TENM3: variants seen among roughly 807,000 people sequenced by gnomAD.
The protein encoded by TENM3 is teneurin-3.
Under a neutral mutation model 255.1 loss-of-function variants are expected in TENM3, and 63 were observed. The ratio of observed to expected loss-of-function variants is 0.25; its 90% CI spans 0.20 to 0.30. The LOEUF (loss-of-function observed/expected upper bound fraction) is 0.30, where lower values mean the gene tolerates loss of function less well. Among genes scored for constraint, TENM3 ranks in the 10% least tolerant of loss-of-function variants. TENM3 has a pLI of 1.00. For missense variants in TENM3, 2,929 were observed against 3,461.1 expected (o/e 0.85, Z 3.86); for synonymous variants, 1,306 against 1,322.3 (o/e 0.99, Z 0.27).
At chr4:182,179,521 A>G (rs1448332694) in intron 1 of TENM3, among the ~76,000 whole-genome samples, 1 of 152,240 alleles carries the variant, frequency 6.6e-6, no homozygotes, top group Non-Finnish European at 1.5e-5. Context: ...ATCACAATAT[A>G]TAATAGAACT....
chr4:182,793,173 T>G lies in TENM3; in HGVS notation c.6501T>G (p.Ser2167Arg). 1 of 1,614,000 alleles carries G rather than the reference T, an allele frequency of 6.2e-7. No homozygotes were observed. The change falls in exon 26 of 28, where the codon AGT (serine) becomes AGG (arginine). Residue 2167 changes from serine (S) to arginine (R), a missense_variant. By Grantham distance (110) the Ser-to-Arg change is moderately radical. Around this residue, in one of 6 missense-constraint regions of TENM3, gnomAD observed 256 missense variants for 389.3 expected, o/e 0.66. Transcript: ENST00000511685. This position sits in a 1 kb window ranked among gnomAD's most constrained non-coding sequence, Gnocchi z 5.7. ...GNLHLLNPSN[S>R]ARLTPLRYDL... The stretch of plus-strand genomic sequence containing the variant: ...TCCATTTACTGAACCCAAGTAACAG[T>G]GCGCGTCTGACACCCCTTCGCTATG...
the TENM3 span, among the ~76,000 whole-genome samples, chr4:182,011,990 G>C: frequency 6.6e-6 from 1 of 152,184 alleles, no homozygotes; most frequent in South Asian, 2.1e-4. Flanking sequence ...GACCTAGATA[G>C]AGAAGAACTG....
intron 19 of TENM3, among the ~76,000 whole-genome samples, chr4:182,751,246 C>A (rs924710480): frequency 1.3e-5 from 2 of 151,928 alleles, no homozygotes; most frequent in South Asian, 2.1e-4. Context: ...CCCCATAGGA[C>A]AGACACTGGC....
the TENM3 span, among the ~76,000 whole-genome samples, chr4:181,946,274 G>T: frequency 6.6e-6 from 1 of 152,082 alleles, no homozygotes; most frequent in Admixed American, 6.5e-5. Flanking sequence ...GTCTAACCAA[G>T]TTACACTCAC....
At chr4:181,508,715 GT>G in the TENM3 span, among the ~76,000 whole-genome samples, 1 of 151,850 alleles carries the variant, frequency 6.6e-6, no homozygotes, top group African/African-American at 2.4e-5. Context: ...TGGATCCCCT[GT>G]TTTGTCCCAC....
rs1561154332 is a variant in TENM3, at chr4:182,161,915, G to GTGTATATATACACACA, written c.-76+17162_-76+17163insGTATATATACACACAT. 7.6e-3 allele frequency among the ~76,000 whole-genome samples: 44 copies of GTGTATATATACACACA among 5,780 alleles called. 4 individuals are homozygous for GTGTATATATACACACA. The highest frequency in any genetic ancestry group is 0.024 in the East Asian group (1 of 42). 3.8% of individuals were successfully genotyped at this position (5,780 alleles called of 152,430 possible). On this transcript the variant is annotated intron_variant, in intron 1 of 2. Transcript: ENST00000512480. ...TATATGTGTATATATACACACACAT[G>GTGTATATATACACACA]TATGTGTATATATATACACATATAT... is the stretch of plus-strand genomic sequence containing the variant.
chr4:182,520,930 C>T (rs1259724515), intron 3 of TENM3, among the ~76,000 whole-genome samples: 1 of 151,928 alleles, frequency 6.6e-6, no homozygotes, highest in Non-Finnish European at 1.5e-5. Flanking sequence ...AATTTTTTTG[C>T]TCTTAGCTTT....
chr4:182,633,368 A>G (rs1402787717), intron 5 of TENM3, among the ~76,000 whole-genome samples: 1 of 152,238 alleles, frequency 6.6e-6, no homozygotes, highest in Non-Finnish European at 1.5e-5. Context: ...CTAGACGCTC[A>G]TAGTCAAGTG....
upstream of TENM3, among the ~76,000 whole-genome samples, chr4:182,140,816 A>G (rs1455989587): frequency 1.3e-5 from 2 of 152,292 alleles, no homozygotes; most frequent in East Asian, 3.9e-4. Context: ...TGTGATGCTG[A>G]CTAAAATGGA....
chr4:182,580,586 T>C (rs1745393222), intron 3 of TENM3, among the ~76,000 whole-genome samples: 2 of 152,190 alleles, frequency 1.3e-5, no homozygotes, highest in African/African-American at 4.8e-5. Context: ...TCTGCCAGGT[T>C]ATAAATCTTC....
chr4:181,771,950 T>C, the TENM3 span, among the ~76,000 whole-genome samples: 3 of 152,232 alleles, frequency 2.0e-5, no homozygotes, highest in Non-Finnish European at 4.4e-5. Flanking sequence ...TTCTCTGTGT[T>C]CTTTAAGGAA....
chr4:181,740,456 T>C, the TENM3 span, among the ~76,000 whole-genome samples: 319 of 152,232 alleles, frequency 2.1e-3, 3 homozygotes, highest in Non-Finnish European at 9.9e-4. Context: ...TACATATATT[T>C]TTAAAGGAGA....
In TENM3 at chr4:182,701,596, A is replaced by G. The variant is rs142083826; in HGVS notation, c.2222-12491A>G. ...AATCCACTGCAATACATTGGTATAG[A>G]TAAGGAAAAAAATCACCATGTAGCT... On this transcript the variant is annotated intron_variant, in intron 12 of 27. Transcript: ENST00000511685. 2.3e-3 allele frequency among the ~76,000 whole-genome samples: 354 copies of G among 152,276 alleles called. No homozygotes were observed. In the Middle Eastern group the frequency reaches 0.024, roughly 10 times the overall value.
the TENM3 span, among the ~76,000 whole-genome samples, chr4:181,978,645 CA>C: frequency 0.25 from 18,488 of 72,638 alleles, 989 homozygotes; most frequent in South Asian, 0.37. Context: ...GAGTCCATCT[CA>C]AAAAAAAAAA....
the TENM3 span, among the ~76,000 whole-genome samples, chr4:181,726,003 C>T: frequency 6.6e-6 from 1 of 151,534 alleles, no homozygotes; most frequent in Non-Finnish European, 1.5e-5. Flanking sequence ...GTTTCAAATG[C>T]TAACAGGAAA....
chr4:182,121,785 G>A, the TENM3 span, among the ~76,000 whole-genome samples: 3 of 152,134 alleles, frequency 2.0e-5, no homozygotes, highest in African/African-American at 7.2e-5. Context: ...GCAGAAGGTT[G>A]GGGTGATTGT....
At chr4:181,694,464 C>G in the TENM3 span, among the ~76,000 whole-genome samples, 1 of 152,314 alleles carries the variant, frequency 6.6e-6, no homozygotes, top group South Asian at 2.1e-4. Flanking sequence ...TGTACATTCA[C>G]AAGCTAACCA....
chr4:181,831,669 A>G, the TENM3 span, among the ~76,000 whole-genome samples: 2 of 152,314 alleles, frequency 1.3e-5, no homozygotes, highest in South Asian at 4.1e-4. Flanking sequence ...GATTTCAGAA[A>G]CATCAATCAC....
the TENM3 span, among the ~76,000 whole-genome samples, chr4:181,942,193 A>G: frequency 1.3e-5 from 2 of 151,042 alleles, no homozygotes; most frequent in East Asian, 3.9e-4. Context: ...CTTTGGTATC[A>G]GTTGAAGATC....
Sources: allele counts gnomAD v4.1 joint callset (sites outside exome capture counted in the v4.1 genomes callset), GRCh38; gene constraint gnomAD v4.1.1; regional missense constraint gnomAD v4.1.1; non-coding constraint Gnocchi (gnomAD v3.1); transcripts MANE v1.5; gene names NCBI Gene and HGNC (gene_info 2026-07-23, HGNC 2026-07-21).